The following HTT-AS variants were observed in gnomAD, a reference collection of about 807,000 sequenced individuals.
HTT-AS encodes HTT antisense RNA (head to head).
exon 2 of HTT-AS, among the ~76,000 whole-genome samples, chr4:3,062,467 C>T (rs947597290): frequency 2.0e-5 from 3 of 152,086 alleles, no homozygotes; most frequent in Non-Finnish European, 4.4e-5. Flanking sequence ...GCCCGGACTT[C>T]GATTCTAGGC....
chr4:3,064,203 C>A (rs1190192571), intron 1 of HTT-AS, among the ~76,000 whole-genome samples: 1 of 148,462 alleles, frequency 6.7e-6, no homozygotes, highest in Non-Finnish European at 1.5e-5. Context: ...TCAAGTGATT[C>A]TCCTGCCTCA....
At chr4:3,061,704 G>GGGCAAAGTGGCTCACGCCTGT (rs1711929356) in intron 2 of HTT-AS, among the ~76,000 whole-genome samples, 1 of 142,980 alleles carries the variant, frequency 7.0e-6, no homozygotes, top group East Asian at 2.1e-4. Flanking sequence ...AAAAAGGCCT[G>GGGCAAAGTGGCTCACGCCTGT]GGCAAAGTGG....
At chr4:3,050,111 A>G (rs980306143) in intron 2 of HTT-AS, among the ~76,000 whole-genome samples, 4 of 152,266 alleles carry the variant, frequency 2.6e-5, no homozygotes, top group African/African-American at 9.6e-5. Flanking sequence ...ACTTTTAATA[A>G]CAAAAGCTTT....
chr4:3,046,736 T>C (rs1196858407), downstream of HTT-AS, among the ~76,000 whole-genome samples: 1 of 151,384 alleles, frequency 6.6e-6, no homozygotes, highest in Non-Finnish European at 1.5e-5. Flanking sequence ...GTCCTGTTTA[T>C]AGGGGAATCT....
intron 2 of HTT-AS, among the ~76,000 whole-genome samples, chr4:3,053,081 A>G (rs1047828912): frequency 2.0e-5 from 3 of 152,156 alleles, no homozygotes; most frequent in Admixed American, 2.0e-4. Context: ...TAGAAACTGC[A>G]TGCTTTCCTG....
At chr4:3,072,015 G>A (rs752345334) in intron 1 of HTT-AS, among the ~76,000 whole-genome samples, 2 of 152,224 alleles carry the variant, frequency 1.3e-5, no homozygotes, top group Non-Finnish European at 1.5e-5. Context: ...AATCACCCCA[G>A]CACTGTGGCT....
At chr4:3,066,183 T>C (rs540407539) in intron 1 of HTT-AS, among the ~76,000 whole-genome samples, 1 of 152,254 alleles carries the variant, frequency 6.6e-6, no homozygotes, top group South Asian at 2.1e-4. Flanking sequence ...AGCCTCCTTT[T>C]TTTTTGAGGT....
intron 2 of HTT-AS, among the ~76,000 whole-genome samples, chr4:3,059,466 C>T (rs1371287658): frequency 1.3e-5 from 2 of 152,042 alleles, no homozygotes; most frequent in Admixed American, 1.3e-4. Flanking sequence ...CAATGGTGCA[C>T]CAAGGTTCCA....
chr4:3,058,657 A>T (rs1244489885), intron 2 of HTT-AS, among the ~76,000 whole-genome samples: 1 of 151,568 alleles, frequency 6.6e-6, no homozygotes, highest in Non-Finnish European at 1.5e-5. Context: ...CCCCGCCCCT[A>T]TTCAAGATGA....
intron 2 of HTT-AS, among the ~76,000 whole-genome samples, chr4:3,050,280 G>A (rs549422888): frequency 6.6e-6 from 1 of 152,234 alleles, no homozygotes; most frequent in African/African-American, 2.4e-5. Flanking sequence ...CTTAGACCAT[G>A]GATTTCATTC....
chr4:3,069,796 C>T (rs1421631035), intron 1 of HTT-AS, among the ~76,000 whole-genome samples: 1 of 152,192 alleles, frequency 6.6e-6, no homozygotes, highest in Non-Finnish European at 1.5e-5. Context: ...TGGCTTTCTT[C>T]TCTGGAAGGT....
At chr4:3,057,599 G>T (rs1711831506) in intron 2 of HTT-AS, among the ~76,000 whole-genome samples, 1 of 152,118 alleles carries the variant, frequency 6.6e-6, no homozygotes, top group Non-Finnish European at 1.5e-5. Context: ...CAGCCCCGAT[G>T]GCCGCTGGTT....
chr4:3,066,906 A>T (rs1335932235), intron 1 of HTT-AS, among the ~76,000 whole-genome samples: 1 of 152,224 alleles, frequency 6.6e-6, no homozygotes, highest in East Asian at 1.9e-4. Context: ...ATACCCTCAG[A>T]GGCCTAGAAT....
intron 1 of HTT-AS, among the ~76,000 whole-genome samples, chr4:3,070,583 C>A (rs932857402): frequency 3.3e-5 from 5 of 152,026 alleles, no homozygotes; most frequent in Non-Finnish European, 4.4e-5. Context: ...AGCCACTGCG[C>A]CTTCATCTCT....
chr4:3,074,534 G>C (rs1185387952), exon 1 of HTT-AS: 6 of 312,566 alleles, frequency 1.9e-5, no homozygotes, highest in Admixed American at 5.3e-5. Context: ...AGAACCTGCG[G>C]GGGCAGGGGC....
At chr4:3,049,403 G>A (rs1203581813) in exon 3 of HTT-AS, among the ~76,000 whole-genome samples, 1 of 151,842 alleles carries the variant, frequency 6.6e-6, no homozygotes, top group Non-Finnish European at 1.5e-5. Flanking sequence ...CAGCCTGGGT[G>A]ACAGAGCAAG....
At chr4:3,049,904 TATCAC>T (rs1409163583) in intron 2 of HTT-AS, among the ~76,000 whole-genome samples, 3 of 115,810 alleles carry the variant, frequency 2.6e-5, no homozygotes, top group African/African-American at 1.1e-4. Flanking sequence ...ATTTGTAAGT[TATCAC>T]ACACACACAC....
At chr4:3,050,389 T>TA (rs1157532995) in intron 2 of HTT-AS, among the ~76,000 whole-genome samples, 1 of 152,238 alleles carries the variant, frequency 6.6e-6, no homozygotes, top group Non-Finnish European at 1.5e-5. Flanking sequence ...CTACTTGGGT[T>TA]AGCAGTTCTA....
intron 2 of HTT-AS, among the ~76,000 whole-genome samples, chr4:3,059,580 G>C (rs751352347): frequency 3.3e-5 from 5 of 151,982 alleles, no homozygotes; most frequent in Non-Finnish European, 7.4e-5. Context: ...TGGACATTGA[G>C]GTTGTTTCAT....
Sources: gnomAD v4.1 joint callset for allele counts (sites outside exome capture counted in the v4.1 genomes callset) on GRCh38, gnomAD v4.1.1 for gene constraint, MANE v1.5 for transcripts, NCBI Gene and HGNC (gene_info 2026-07-23, HGNC 2026-07-21) for gene names.